The following CELF2 variants were observed in gnomAD, a reference collection of about 807,000 sequenced individuals.
CELF2 encodes CUGBP Elav-like family member 2.
In CELF2, 8 loss-of-function variants were observed where a neutral mutation model predicts 62.6. The observed-to-expected ratio is 0.13, with a 90% CI of 0.07 to 0.23. CELF2 has a LOEUF of 0.23. Among genes scored for constraint, CELF2 ranks in the 10% least tolerant of loss-of-function variants. The pLI, the probability that CELF2 is intolerant of heterozygous loss-of-function variation, is 1.00. For missense variants in CELF2, 333 were observed against 671.0 expected, an observed-to-expected ratio of 0.50 and a Z score of 5.56; for synonymous variants, 258 against 250.0, an observed-to-expected ratio of 1.03 and a Z score of -0.30.
intron 2 of CELF2, chr10:10,970,545 T>A (rs796682700): frequency 6.6e-6 from 1 of 152,376 alleles, no homozygotes; most frequent in African/African-American, 2.4e-5. Flanking sequence ...AGATAGCTAG[T>A]GAGTTCTTGC....
intron 2 of CELF2, among the ~76,000 whole-genome samples, chr10:11,195,342 T>TC (rs1461953349): frequency 6.6e-6 from 1 of 152,200 alleles, no homozygotes; most frequent in Non-Finnish European, 1.5e-5. Context: ...AGTGGGTTGT[T>TC]CTGAAAGGCA....
chr10:11,194,882 A>G (rs1017146027), intron 2 of CELF2, among the ~76,000 whole-genome samples: 1 of 152,228 alleles, frequency 6.6e-6, no homozygotes, highest in Non-Finnish European at 1.5e-5. Flanking sequence ...TGGGTTACAA[A>G]AATCCCGATG....
chr10:11,200,140 T>C (rs2058884939), intron 2 of CELF2, among the ~76,000 whole-genome samples: 1 of 152,066 alleles, frequency 6.6e-6, no homozygotes, highest in Non-Finnish European at 1.5e-5. Flanking sequence ...TTTAGGGGAG[T>C]GTATTAACTC....
At chr10:11,231,268 A>C (rs969727430) in intron 3 of CELF2, among the ~76,000 whole-genome samples, 9 of 152,360 alleles carry the variant, frequency 5.9e-5, no homozygotes, top group Middle Eastern at 3.4e-3. Context: ...TGTAGTCTGT[A>C]AGGACAAAAT....
chr10:11,141,032 G>A (rs547784529), intron 1 of CELF2, among the ~76,000 whole-genome samples: 11 of 152,152 alleles, frequency 7.2e-5, no homozygotes, highest in Non-Finnish European at 1.3e-4. Flanking sequence ...ATAAAGCATA[G>A]TTGCTAACTT....
chr10:10,737,845 A>G, the CELF2 span, among the ~76,000 whole-genome samples: 1 of 152,220 alleles, frequency 6.6e-6, no homozygotes, highest in African/African-American at 2.4e-5. Context: ...AAGTGAAGAC[A>G]CAGTGCAAAT....
At chr10:11,183,145 A>C (rs569356642) in intron 2 of CELF2, among the ~76,000 whole-genome samples, 1 of 152,160 alleles carries the variant, frequency 6.6e-6, no homozygotes, top group African/African-American at 2.4e-5. Context: ...TGGCTGCCCC[A>C]TGCCTCAATT....
Position 11,214,007 on chromosome 10 carries a change from G to A in CELF2, c.272-3418G>A, listed in dbSNP as rs562542241. On this transcript the variant is annotated intron_variant, in intron 2 of 12. Coordinates refer to ENST00000633077, the MANE Select transcript of CELF2 (RefSeq NM_001326342.2). The surrounding 1 kb of genome is among the most constrained non-coding windows in gnomAD (Gnocchi z 4.2). ...TTTACTTACTGATGAGACTAGGCCG[G>A]GCACAGTAGCTCATGCCTATAGTCT... 6.6e-6 allele frequency among the ~76,000 whole-genome samples: 1 copy of A among 152,282 alleles called. No homozygotes were observed. Among genetic ancestry groups the A allele is most frequent in the Admixed American group, 6.5e-5 (1 of 15,300 alleles).
chr10:10,804,936 A>C (rs775286626), intron 1 of CELF2, among the ~76,000 whole-genome samples: 3 of 152,166 alleles, frequency 2.0e-5, no homozygotes, highest in Non-Finnish European at 4.4e-5. Flanking sequence ...ATGTCACATG[A>C]CATCTTAAAG....
chr10:11,330,122 T>C lies in CELF2; in HGVS notation c.*1069T>C, dbSNP rs919693615. 5.2e-5 allele frequency: 8 copies of C among 152,792 alleles called. No individual in the cohort carries two copies. Among genetic ancestry groups the C allele is most frequent in the Admixed American group, 5.2e-4 (8 of 15,304 alleles). The allele number at this position is 152,792 out of a possible 1,614,324, so 9.5% of individuals were successfully genotyped here. ...TATCCTCTCGTTGTTTGTATCTGTC[T>C]GATTATTTTGTTTGTAACTTCCATT... On this transcript the variant is annotated 3_prime_UTR_variant, in exon 13 of 13. Coordinates refer to ENST00000633077, the MANE Select transcript of CELF2 (RefSeq NM_001326342.2). This position sits in a 1 kb window ranked among gnomAD's most constrained non-coding sequence, Gnocchi z 4.5.
chr10:10,660,655 C>T, the CELF2 span, among the ~76,000 whole-genome samples: 1 of 152,128 alleles, frequency 6.6e-6, no homozygotes. Context: ...CTTTATATTC[C>T]CTAGCCTCTA....
At chr10:11,283,904 C>T (rs7078270) in intron 8 of CELF2, among the ~76,000 whole-genome samples, 1 of 85,056 alleles carries the variant, frequency 1.2e-5, no homozygotes, top group Admixed American at 1.2e-4. Flanking sequence ...TGATGGATGA[C>T]TGTGTGGTAG....
intron 3 of CELF2, among the ~76,000 whole-genome samples, chr10:11,241,494 T>A (rs1229393899): frequency 6.6e-6 from 1 of 152,240 alleles, no homozygotes; most frequent in Non-Finnish European, 1.5e-5. Context: ...GTGACCGCGC[T>A]GGGCCAGCTG....
At chr10:10,555,421 C>T in the CELF2 span, among the ~76,000 whole-genome samples, 2 of 152,050 alleles carry the variant, frequency 1.3e-5, no homozygotes, top group Non-Finnish European at 2.9e-5. Context: ...ATAATCTACA[C>T]ATCATTGGTA....
chr10:10,512,348 A>G, the CELF2 span, among the ~76,000 whole-genome samples: 345 of 151,310 alleles, frequency 2.3e-3, 1 homozygote, highest in East Asian at 0.025. Context: ...GCTGATGCAC[A>G]TTAAACACAA....
intron 2 of CELF2, among the ~76,000 whole-genome samples, chr10:11,197,735 A>T (rs1188957297): frequency 6.6e-6 from 1 of 152,090 alleles, no homozygotes; most frequent in Non-Finnish European, 1.5e-5. Flanking sequence ...CCAAATGGGG[A>T]TCTCATTTTG....
At chr10:11,195,367 G>A (rs1457557515) in intron 2 of CELF2, among the ~76,000 whole-genome samples, 2 of 152,188 alleles carry the variant, frequency 1.3e-5, no homozygotes, top group Non-Finnish European at 2.9e-5. Context: ...GTAAAATGAG[G>A]TATTCCCTGA....
At chr10:10,955,303 G>A (rs929718756) in intron 2 of CELF2, among the ~76,000 whole-genome samples, 17 of 152,244 alleles carry the variant, frequency 1.1e-4, no homozygotes, top group Admixed American at 9.2e-4. Flanking sequence ...CACACAGTGC[G>A]AGTATGCCTC....
chr10:10,811,346 G>A (rs2055864713), intron 1 of CELF2, among the ~76,000 whole-genome samples: 1 of 152,196 alleles, frequency 6.6e-6, no homozygotes, highest in Non-Finnish European at 1.5e-5. Context: ...AAGGGAGAAT[G>A]GGGTGGAGGG....
Sources: gnomAD v4.1 joint callset for allele counts (sites outside exome capture counted in the v4.1 genomes callset) on GRCh38, gnomAD v4.1.1 for gene constraint, Gnocchi (gnomAD v3.1) non-coding constraint, MANE v1.5 for transcripts, NCBI Gene and HGNC (gene_info 2026-07-23, HGNC 2026-07-21) for gene names.